Variants in SUGCT observed in about 807,000 individuals in gnomAD.
The protein encoded by SUGCT is succinyl-CoA:glutarate-CoA transferase, also known as succinyl-CoA:glutarate CoA-transferase.
A neutral mutation model predicts 55.0 loss-of-function variants in SUGCT; 41 were observed. The ratio of observed to expected loss-of-function variants is 0.74; its 90% CI spans 0.58 to 0.97. SUGCT has a LOEUF of 0.97. Ranked by LOEUF, SUGCT falls within the 50% of genes least tolerant of loss-of-function variation. The pLI is 0.00. For missense variants in SUGCT, 568 were observed against 547.8 expected (o/e 1.04, Z -0.37); for synonymous variants, 187 against 200.4 (o/e 0.93, Z 0.56).
chr7:40,836,241 A>G (rs1792969219), intron 13 of SUGCT, among the ~76,000 whole-genome samples: 1 of 152,174 alleles, frequency 6.6e-6, no homozygotes, highest in African/African-American at 2.4e-5. Context: ...TACAAAATGA[A>G]AAGCATTAAT....
intron 7 of SUGCT, among the ~76,000 whole-genome samples, chr7:40,254,286 G>A (rs1790646361): frequency 1.3e-5 from 2 of 152,078 alleles, no homozygotes; most frequent in African/African-American, 4.8e-5. Context: ...GTCTTTTGGG[G>A]GAAAGGGACT....
rs12534270 is a variant in SUGCT at position 40,475,270 on chromosome 7, G to A, written c.986+16072G>A. On this transcript the variant is annotated intron_variant, in intron 11 of 13. Coordinates refer to ENST00000335693, the MANE Select transcript of SUGCT (RefSeq NM_001193313.2). ...CCAACATGACATCATCCAAGTCCTT[G>A]TTTGGGTTCAGCAATAGACACCATC... 8.2e-3 allele frequency among the ~76,000 whole-genome samples: 1,246 copies of A among 152,226 alleles called. 48 individuals are homozygous for A. The highest frequency in any genetic ancestry group is 0.059 in the Admixed American group (901 of 15,270).
intron 9 of SUGCT, among the ~76,000 whole-genome samples, chr7:40,346,615 A>G (rs1797325887): frequency 6.6e-6 from 1 of 152,230 alleles, no homozygotes; most frequent in Non-Finnish European, 1.5e-5. Flanking sequence ...CTTTATAAAC[A>G]TAAATATATG....
intron 12 of SUGCT, among the ~76,000 whole-genome samples, chr7:40,674,347 G>C (rs1224408125): frequency 6.6e-6 from 1 of 152,146 alleles, no homozygotes; most frequent in Non-Finnish European, 1.5e-5. Flanking sequence ...TGCCAATAAT[G>C]GCAGAAGAAT....
chr7:40,966,976 G>C, the SUGCT span: 2 of 152,230 alleles, frequency 1.3e-5, no homozygotes, highest in Non-Finnish European at 2.9e-5. Context: ...AGCTGTGCTT[G>C]TGGGTGCATC....
intron 1 of SUGCT, among the ~76,000 whole-genome samples, chr7:40,139,176 A>AATAAATCAATC (rs1562788729): frequency 1.5e-5 from 2 of 132,982 alleles, no homozygotes; most frequent in African/African-American, 5.4e-5. Context: ...ATAAATAAAT[A>AATAAATCAATC]AATCCAGGAT....
chr7:40,421,965 T>C (rs1330716220), intron 9 of SUGCT, among the ~76,000 whole-genome samples: 1 of 152,158 alleles, frequency 6.6e-6, no homozygotes, highest in Non-Finnish European at 1.5e-5. Flanking sequence ...TGTTAAGACA[T>C]TAGTGATGTT....
downstream of SUGCT, among the ~76,000 whole-genome samples, chr7:40,863,717 T>G (rs995296635): frequency 2.0e-5 from 3 of 152,168 alleles, no homozygotes; most frequent in African/African-American, 4.8e-5. Context: ...CATTTGCTTC[T>G]GTTCATAGGA....
chr7:40,678,412 T>A (rs12155334), intron 12 of SUGCT, among the ~76,000 whole-genome samples: 30,897 of 152,012 alleles, frequency 0.2, 3,275 homozygotes, highest in Middle Eastern at 0.23. Flanking sequence ...CTAAAGCTAT[T>A]TTTAGTTGTC....
At chr7:40,969,379 G>T in the SUGCT span, among the ~76,000 whole-genome samples, 1 of 152,116 alleles carries the variant, frequency 6.6e-6, no homozygotes, top group Non-Finnish European at 1.5e-5. Flanking sequence ...TATTTATTTA[G>T]AGACAGAATG....
At chr7:40,205,842 G>A (rs1013190804) in intron 6 of SUGCT, among the ~76,000 whole-genome samples, 2 of 151,996 alleles carry the variant, frequency 1.3e-5, no homozygotes, top group African/African-American at 4.8e-5. Flanking sequence ...TTTAACAGGA[G>A]ATTGAGCTGT....
At chr7:40,950,770 C>T in the SUGCT span, among the ~76,000 whole-genome samples, 3 of 152,044 alleles carry the variant, frequency 2.0e-5, no homozygotes, top group Non-Finnish European at 2.9e-5. Flanking sequence ...TATTGATTTG[C>T]GTATGTTGAA....
At chr7:40,633,825 G>C (rs1248719894) in intron 12 of SUGCT, among the ~76,000 whole-genome samples, 1 of 152,098 alleles carries the variant, frequency 6.6e-6, no homozygotes, top group African/African-American at 2.4e-5. Context: ...TTAAAAGTTA[G>C]CACTGAATCA....
chr7:40,259,035 C>A (rs1412203636), intron 7 of SUGCT, among the ~76,000 whole-genome samples: 2 of 152,136 alleles, frequency 1.3e-5, no homozygotes, highest in Non-Finnish European at 2.9e-5. Context: ...ACCTGAAGGA[C>A]ATTATTCTAA....
intron 12 of SUGCT, among the ~76,000 whole-genome samples, chr7:40,705,165 T>G (rs1376079729): frequency 6.6e-6 from 1 of 152,200 alleles, no homozygotes; most frequent in Non-Finnish European, 1.5e-5. Context: ...TATTTAAAAT[T>G]TATTTTGAGT....
chr7:40,603,657 C>A (rs929503355), intron 12 of SUGCT, among the ~76,000 whole-genome samples: 1 of 152,032 alleles, frequency 6.6e-6, no homozygotes. Flanking sequence ...AGGCATGAGG[C>A]CCTGGGTTTA....
intron 12 of SUGCT, among the ~76,000 whole-genome samples, chr7:40,638,948 G>T (rs1466542890): frequency 6.6e-6 from 1 of 152,198 alleles, no homozygotes; most frequent in Non-Finnish European, 1.5e-5. Flanking sequence ...ACCTGGCCCT[G>T]CTGAAATCAG....
At chr7:40,380,431 G>A (rs375281481) in intron 9 of SUGCT, among the ~76,000 whole-genome samples, 6 of 152,010 alleles carry the variant, frequency 3.9e-5, no homozygotes, top group Admixed American at 1.3e-4. Context: ...GAGGATTTTC[G>A]GAGGTCTTTA....
chr7:40,824,093 G>C (rs1387051725), intron 13 of SUGCT, among the ~76,000 whole-genome samples: 1 of 152,014 alleles, frequency 6.6e-6, no homozygotes, highest in Non-Finnish European at 1.5e-5. Context: ...AAATGACAGT[G>C]AGCAGTGGAT....
Sources: gnomAD v4.1 joint callset for allele counts (sites outside exome capture counted in the v4.1 genomes callset) on GRCh38, gnomAD v4.1.1 for gene constraint, MANE v1.5 for transcripts, NCBI Gene and HGNC (gene_info 2026-07-23, HGNC 2026-07-21) for gene names.